Variants in CNTLN observed in about 807,000 individuals in gnomAD.
CNTLN encodes centlein, centrosomal protein.
CNTLN carries 212 observed loss-of-function variants against 180.0 expected under a neutral mutation model. That is an observed-to-expected ratio of 1.18 (90% confidence interval 1.05 to 1.32). The LOEUF is 1.32. Among genes scored for constraint, CNTLN ranks in the 40% most tolerant of loss-of-function variants. CNTLN has a pLI of 0.00. For missense variants in CNTLN, 2,095 were observed against 1,610.9 expected, an observed-to-expected ratio of 1.30 and a Z score of -5.14; for synonymous variants, 722 against 563.1, an observed-to-expected ratio of 1.28 and a Z score of -3.99.
At chr9:17,390,235 CTT>C (rs35329298) in intron 14 of CNTLN, among the ~76,000 whole-genome samples, 1 of 77,404 alleles carries the variant, frequency 1.3e-5, no homozygotes, top group Non-Finnish European at 2.3e-5. Context: ...AAAAGAGCCT[CTT>C]TTTTTTTTTT....
At chr9:17,440,066 C>A (rs1465471494) in intron 18 of CNTLN, among the ~76,000 whole-genome samples, 1 of 152,152 alleles carries the variant, frequency 6.6e-6, no homozygotes, top group African/African-American at 2.4e-5. Context: ...CAGACATGAT[C>A]AACAAATCCA....
chr9:17,164,397 GA>G (rs1819906687), intron 2 of CNTLN, among the ~76,000 whole-genome samples: 1 of 137,568 alleles, frequency 7.3e-6, no homozygotes, highest in South Asian at 2.3e-4. Flanking sequence ...AGCTTTAATC[GA>G]ATATGTATAA....
intron 18 of CNTLN, among the ~76,000 whole-genome samples, chr9:17,446,814 T>G (rs959826016): frequency 6.6e-6 from 1 of 152,162 alleles, no homozygotes; most frequent in Non-Finnish European, 1.5e-5. Flanking sequence ...GTAATACTAT[T>G]GTAATAGCAC....
intron 18 of CNTLN, among the ~76,000 whole-genome samples, chr9:17,444,537 C>G (rs7851688): frequency 0.044 from 6,651 of 152,096 alleles, 490 homozygotes; most frequent in African/African-American, 0.15. Flanking sequence ...CAAAAGTGCC[C>G]CAACAAATTT....
intron 6 of CNTLN, among the ~76,000 whole-genome samples, chr9:17,276,777 G>A (rs2184063): frequency 0.29 from 44,723 of 151,816 alleles, 6,616 homozygotes; most frequent in South Asian, 0.41. Flanking sequence ...TCTTTAGATT[G>A]CTTATATTAA....
chr9:17,144,914 T>G (rs1329809801), intron 2 of CNTLN, among the ~76,000 whole-genome samples: 3 of 151,244 alleles, frequency 2.0e-5, no homozygotes, highest in Admixed American at 2.0e-4. Flanking sequence ...CAATCTCGGC[T>G]CACTGCAAGC....
chr9:17,440,310 A>G (rs1045636797), intron 18 of CNTLN, among the ~76,000 whole-genome samples: 56 of 152,000 alleles, frequency 3.7e-4, no homozygotes, highest in African/African-American at 1.2e-3. Flanking sequence ...ATGGTGGCTC[A>G]AGCCTGTAAT....
At chr9:17,267,152 G>C (rs998547863) in intron 5 of CNTLN, among the ~76,000 whole-genome samples, 3 of 151,976 alleles carry the variant, frequency 2.0e-5, no homozygotes, top group Non-Finnish European at 4.4e-5. Context: ...TTTACATTTT[G>C]GCATGTTTTT....
Position 17,268,690 on chromosome 9 carries a change from C to T in CNTLN, c.850-5043C>T, listed in dbSNP as rs552159603. Among the ~76,000 whole-genome samples the T allele has an allele frequency of 9.9e-5, 15 of 152,232 alleles. No individual in the cohort carries two copies. In the East Asian group the frequency reaches 1.4e-3, roughly 14 times the overall value. Reference sequence around the variant, plus strand: ...TCCTTGAGCTGTGGTTGGGCTCCACCCAGTTCCAGCTTCAGGGCTGCTTTG... The same window carrying T: ...TCCTTGAGCTGTGGTTGGGCTCCACTCAGTTCCAGCTTCAGGGCTGCTTTG... On this transcript the variant is annotated intron_variant, in intron 5 of 25. Transcript: ENST00000380647.
chr9:17,392,826 G>A (rs1396600942), intron 14 of CNTLN, among the ~76,000 whole-genome samples: 1 of 151,448 alleles, frequency 6.6e-6, no homozygotes, highest in South Asian at 2.1e-4. Context: ...ATAGAAGGAT[G>A]TGTAAATCAG....
chr9:17,206,870 T>C (rs751931719), intron 2 of CNTLN, among the ~76,000 whole-genome samples: 10 of 152,238 alleles, frequency 6.6e-5, no homozygotes, highest in Non-Finnish European at 1.5e-4. Flanking sequence ...TTGACCTTTT[T>C]GTGTTCCTTG....
At chr9:17,197,410 T>A (rs944169238) in intron 2 of CNTLN, among the ~76,000 whole-genome samples, 12 of 152,254 alleles carry the variant, frequency 7.9e-5, no homozygotes, top group Admixed American at 2.6e-4. Context: ...TCTTTTTATT[T>A]ATTTATTTAT....
chr9:17,238,133 G>A (rs1825268480), intron 5 of CNTLN, among the ~76,000 whole-genome samples: 1 of 151,506 alleles, frequency 6.6e-6, no homozygotes, highest in South Asian at 2.1e-4. Flanking sequence ...TTTTCTTATT[G>A]CTTTTTGGGC....
At chr9:17,236,926 A>G (rs574612391) in intron 5 of CNTLN, among the ~76,000 whole-genome samples, 13 of 152,186 alleles carry the variant, frequency 8.5e-5, no homozygotes, top group Non-Finnish European at 1.8e-4. Flanking sequence ...AATTTGTTGC[A>G]GTATAGTTTT....
At position 17,383,356 on chromosome 9, in the gene CNTLN, C is replaced by CAA. The variant is rs1055171924; in HGVS notation, c.1988-4796_1988-4795dup. Among the ~76,000 whole-genome samples the CAA allele has an allele frequency of 3.5e-3, 498 of 142,356 alleles. 5 individuals carry two copies. Among genetic ancestry groups the CAA allele is most frequent in the African/African-American group, 0.012 (463 of 39,050 alleles). The allele number at this position is 142,356 out of a possible 152,430, so 93.4% of individuals were successfully genotyped here. A position where few individuals can be genotyped will look rare whatever the true frequency, so the allele number is the denominator to read the frequency against. ...CCAGCCTGGGCAACCCTGTCTCTAC[C>CAA]AAAAAAAAAAAGTTGGGTGTGGTGG... On this transcript the variant is annotated intron_variant, in intron 13 of 25. Transcript: ENST00000380647.
intron 3 of CNTLN, among the ~76,000 whole-genome samples, chr9:17,231,971 T>A (rs978309771): frequency 2.6e-5 from 4 of 152,136 alleles, no homozygotes; most frequent in Admixed American, 2.6e-4. Context: ...TCATCCCTTA[T>A]TGCTTTATGG....
chr9:17,287,792 C>T (rs1384952977), intron 6 of CNTLN, among the ~76,000 whole-genome samples: 6 of 146,544 alleles, frequency 4.1e-5, no homozygotes, highest in East Asian at 2.0e-4. Context: ...AGTTTATTTG[C>T]GTAGAGGTGT....
At chr9:17,484,893 G>A (rs976357174) in intron 24 of CNTLN, among the ~76,000 whole-genome samples, 1 of 152,060 alleles carries the variant, frequency 6.6e-6, no homozygotes, top group African/African-American at 2.4e-5. Flanking sequence ...CAAATCTATT[G>A]GCTTTCATAG....
chr9:17,464,841 A>G (rs1041364804), intron 21 of CNTLN, among the ~76,000 whole-genome samples: 1 of 151,178 alleles, frequency 6.6e-6, no homozygotes, highest in Non-Finnish European at 1.5e-5. Flanking sequence ...TTCTGTTTCT[A>G]TTTATAAATA....
Sources: allele counts gnomAD v4.1 joint callset (sites outside exome capture counted in the v4.1 genomes callset), GRCh38; gene constraint gnomAD v4.1.1; transcripts MANE v1.5; gene names NCBI Gene and HGNC (gene_info 2026-07-23, HGNC 2026-07-21).